The following ZSWIM6 variants were observed in gnomAD, a reference collection of about 807,000 sequenced individuals.
ZSWIM6 encodes zinc finger SWIM-type containing 6.
A neutral mutation model predicts 113.2 loss-of-function variants in ZSWIM6; 9 were observed. That is an observed-to-expected ratio of 0.08 (90% CI 0.05 to 0.14). The LOEUF (loss-of-function observed/expected upper bound fraction) is 0.14, where lower values mean the gene tolerates loss of function less well. Ranked by LOEUF, ZSWIM6 falls within the 10% of genes least tolerant of loss-of-function variation. The probability of loss-of-function intolerance (pLI) is 1.00; values close to 1 mark genes in which losing one functional copy is unlikely to be tolerated. For missense variants in ZSWIM6, 1,162 were observed against 1,552.2 expected (o/e 0.75, Z 4.22); for synonymous variants, 611 against 606.5 (o/e 1.01, Z -0.11).
chr5:61,464,183 T>TTTTTTTTTC (rs1747378646), intron 1 of ZSWIM6, among the ~76,000 whole-genome samples: 1 of 133,648 alleles, frequency 7.5e-6, no homozygotes, highest in Admixed American at 7.6e-5. Flanking sequence ...TTTTTTTTTT[T>TTTTTTTTTC]TTTTTTTTGC....
intron 1 of ZSWIM6, among the ~76,000 whole-genome samples, chr5:61,412,713 A>T (rs1215864667): frequency 6.6e-6 from 1 of 152,166 alleles, no homozygotes; most frequent in African/African-American, 2.4e-5. Flanking sequence ...TGAAGAATCT[A>T]TGTTTTCTTA....
Position 61,472,862 on chromosome 5 carries a change from A to G in ZSWIM6, c.858A>G (p.Pro286=), listed in dbSNP as rs1201352739. 9.7e-6 allele frequency: 15 copies of G among 1,551,606 alleles called. No homozygotes were observed. The highest frequency in any genetic ancestry group is 1.2e-5 in the Non-Finnish European group (14 of 1,146,986). ...VALSLYRIRK[P]DQVKLHLPIS... is the part of the protein sequence containing the mutation. ...TGTCTTTATACCGCATCCGCAAGCCAGATCAGGTCAAACTGCATCTTCCTA... is the reference window on the plus strand; with the variant it reads ...TGTCTTTATACCGCATCCGCAAGCCGGATCAGGTCAAACTGCATCTTCCTA... The change falls in exon 2 of 14, where the codon CCA becomes CCG. Residue 286 remains proline, a synonymous_variant. Transcript: ENST00000252744. The surrounding 1 kb of genome is among the most constrained non-coding windows in gnomAD (Gnocchi z 4.1).
intron 1 of ZSWIM6, among the ~76,000 whole-genome samples, chr5:61,349,058 T>C (rs1417386545): frequency 6.6e-6 from 1 of 152,184 alleles, no homozygotes; most frequent in African/African-American, 2.4e-5. Flanking sequence ...GCATCTTTGA[T>C]GAAGGAAGCA....
chr5:61,377,529 C>T (rs904134126), intron 1 of ZSWIM6, among the ~76,000 whole-genome samples: 6 of 151,932 alleles, frequency 3.9e-5, no homozygotes, highest in Non-Finnish European at 8.8e-5. Context: ...ACCAGCCTGG[C>T]CATCATGGTG....
chr5:61,475,998 T>C (rs1488105256), intron 2 of ZSWIM6, among the ~76,000 whole-genome samples: 2 of 152,228 alleles, frequency 1.3e-5, no homozygotes, highest in African/African-American at 2.4e-5. Context: ...AGCATCACTT[T>C]TACCTCGCAT....
At chr5:61,453,433 C>T (rs1034982231) in intron 1 of ZSWIM6, among the ~76,000 whole-genome samples, 3 of 148,430 alleles carry the variant, frequency 2.0e-5, no homozygotes, top group South Asian at 2.1e-4. Context: ...TGGGTTACAG[C>T]GGCGTGATCT....
chr5:61,433,342 G>A (rs1019285006), intron 1 of ZSWIM6, among the ~76,000 whole-genome samples: 50 of 152,058 alleles, frequency 3.3e-4, no homozygotes, highest in African/African-American at 9.9e-4. Flanking sequence ...GGCATGCGGT[G>A]TGGCATTTAA....
At chr5:61,387,688 C>T (rs1051895979) in intron 1 of ZSWIM6, among the ~76,000 whole-genome samples, 3 of 152,030 alleles carry the variant, frequency 2.0e-5, no homozygotes, top group Non-Finnish European at 4.4e-5. Flanking sequence ...GGGCAGATCA[C>T]CTGAGGTCAG....
chr5:61,499,831 A>G (rs1363095103), intron 4 of ZSWIM6, among the ~76,000 whole-genome samples: 1 of 152,130 alleles, frequency 6.6e-6, no homozygotes, highest in African/African-American at 2.4e-5. Flanking sequence ...TTTATTTCTC[A>G]TTTTGGTCTA....
chr5:61,532,632 A>G (rs1041147297), intron 9 of ZSWIM6, among the ~76,000 whole-genome samples: 2 of 152,176 alleles, frequency 1.3e-5, no homozygotes, highest in African/African-American at 4.8e-5. Context: ...AAAAGAAAAC[A>G]TTTTCTTCAA....
intron 1 of ZSWIM6, among the ~76,000 whole-genome samples, chr5:61,369,204 A>G (rs1745217905): frequency 6.6e-6 from 1 of 152,220 alleles, no homozygotes; most frequent in Non-Finnish European, 1.5e-5. Context: ...AGTGACTTTA[A>G]TAGCAAATGT....
At chr5:61,399,122 T>A (rs376784359) in intron 1 of ZSWIM6, among the ~76,000 whole-genome samples, 21 of 150,966 alleles carry the variant, frequency 1.4e-4, no homozygotes, top group South Asian at 2.1e-4. Context: ...ACGGGGTTTC[T>A]CCATGTTGGG....
At chr5:61,335,573 TTTTG>T (rs1266656092) in intron 1 of ZSWIM6, among the ~76,000 whole-genome samples, 4 of 152,262 alleles carry the variant, frequency 2.6e-5, no homozygotes, top group African/African-American at 4.8e-5. Flanking sequence ...GGTAGAACGC[TTTTG>T]TTTGTTTCAG....
At chr5:61,471,128 TAA>T (rs990923870) in intron 1 of ZSWIM6, among the ~76,000 whole-genome samples, 7 of 152,186 alleles carry the variant, frequency 4.6e-5, no homozygotes, top group African/African-American at 1.7e-4. Flanking sequence ...TGAATTTTAT[TAA>T]AGTAGCATCA....
intron 1 of ZSWIM6, among the ~76,000 whole-genome samples, chr5:61,383,547 T>C (rs779958620): frequency 2.6e-5 from 4 of 152,184 alleles, no homozygotes; most frequent in Non-Finnish European, 5.9e-5. Flanking sequence ...TTTCTCTTTT[T>C]TTTTTTGAGA....
intron 1 of ZSWIM6, among the ~76,000 whole-genome samples, chr5:61,370,369 A>G (rs2112066755): frequency 6.6e-6 from 1 of 152,326 alleles, no homozygotes; most frequent in Non-Finnish European, 1.5e-5. Context: ...AACCATAGTC[A>G]CTATTTTAGT....
chr5:61,454,582 T>C (rs1747160556), intron 1 of ZSWIM6, among the ~76,000 whole-genome samples: 1 of 150,744 alleles, frequency 6.6e-6, no homozygotes, highest in Non-Finnish European at 1.5e-5. Context: ...TTTTTTTTTT[T>C]TTTTCTTTTC....
At chr5:61,368,059 C>G (rs761402442) in intron 1 of ZSWIM6, among the ~76,000 whole-genome samples, 1 of 152,162 alleles carries the variant, frequency 6.6e-6, no homozygotes, top group African/African-American at 2.4e-5. Flanking sequence ...GCCAAAAGGT[C>G]GAGACTGTAG....
At chr5:61,484,181 T>C (rs556190401) in intron 2 of ZSWIM6, among the ~76,000 whole-genome samples, 18 of 152,316 alleles carry the variant, frequency 1.2e-4, no homozygotes, top group South Asian at 2.1e-4. Context: ...CCAAGTCTTA[T>C]GTGGATATGA....
Sources: gnomAD v4.1 joint callset for allele counts (sites outside exome capture counted in the v4.1 genomes callset) on GRCh38, gnomAD v4.1.1 for gene constraint, Gnocchi (gnomAD v3.1) non-coding constraint, MANE v1.5 for transcripts, NCBI Gene and HGNC (gene_info 2026-07-23, HGNC 2026-07-21) for gene names.